The following GRK4 variants were observed in gnomAD, a reference collection of about 807,000 sequenced individuals.
GRK4 encodes G protein-coupled receptor kinase 2-like.
In GRK4, 73 loss-of-function variants were observed where a neutral mutation model predicts 77.9. The observed-to-expected ratio is 0.94, with a 90% CI of 0.78 to 1.14. GRK4 has a LOEUF of 1.14. Among genes scored for constraint, GRK4 ranks in the 50% most tolerant of loss-of-function variants. The probability of loss-of-function intolerance (pLI) is 0.00; values close to 1 mark genes in which losing one functional copy is unlikely to be tolerated. For synonymous variants in GRK4, 257 were observed against 254.4 expected, an observed-to-expected ratio of 1.01 and a Z score of -0.10; for missense variants, 729 against 700.2, an observed-to-expected ratio of 1.04 and a Z score of -0.46.
intron 2 of GRK4, among the ~76,000 whole-genome samples, chr4:2,986,414 T>C (rs545605355): frequency 6.9e-6 from 1 of 144,286 alleles, no homozygotes; most frequent in Non-Finnish European, 1.5e-5. Context: ...TGGAGTGCAA[T>C]GGCATGATCT....
At chr4:2,985,857 G>C (rs1245062737) in intron 2 of GRK4, 1 of 168,274 alleles carries the variant, frequency 5.9e-6, no homozygotes, top group Non-Finnish European at 1.3e-5. Flanking sequence ...AAATTAGCTG[G>C]GCGAGGTGGC....
chr4:2,992,533 A>G (rs1356929084), intron 4 of GRK4, among the ~76,000 whole-genome samples: 1 of 152,024 alleles, frequency 6.6e-6, no homozygotes, highest in East Asian at 1.9e-4. Flanking sequence ...AAACAAAAAA[A>G]CTAGCTGGAC....
intron 9 of GRK4, among the ~76,000 whole-genome samples, chr4:3,020,425 G>A (rs1184157487): frequency 6.6e-6 from 1 of 152,160 alleles, no homozygotes; most frequent in African/African-American, 2.4e-5. Flanking sequence ...AGGTTCTTAG[G>A]TATGTTGATA....
intron 5 of GRK4, among the ~76,000 whole-genome samples, chr4:3,007,390 G>T (rs1386780336): frequency 2.0e-5 from 3 of 151,986 alleles, no homozygotes; most frequent in Non-Finnish European, 4.4e-5. Flanking sequence ...AGCCGGACTT[G>T]CAGTGGCCCA....
chr4:2,989,030 AAGTT>A (rs1725314352), intron 3 of GRK4, among the ~76,000 whole-genome samples, 191 bp downstream of exon 3: 1 of 152,128 alleles, frequency 6.6e-6, no homozygotes, highest in South Asian at 2.1e-4. Context: ...AAAATACAAA[AAGTT>A]AGCCGGGCGT....
chr4:2,974,239 G>A (rs1220495453), intron 1 of GRK4, among the ~76,000 whole-genome samples: 1 of 152,110 alleles, frequency 6.6e-6, no homozygotes, highest in Non-Finnish European at 1.5e-5. Context: ...TTGTTCGTCG[G>A]GCTTTCTCCC....
chr4:2,964,910 GCT>G (rs1460009736), intron 1 of GRK4, among the ~76,000 whole-genome samples: 1 of 151,750 alleles, frequency 6.6e-6, no homozygotes, highest in Non-Finnish European at 1.5e-5. Context: ...AAAGGAATAG[GCT>G]CCAGACACCC....
chr4:3,001,658 C>T (rs764520215), intron 4 of GRK4, among the ~76,000 whole-genome samples: 5 of 152,270 alleles, frequency 3.3e-5, no homozygotes, highest in Non-Finnish European at 5.9e-5. Flanking sequence ...TGAGCCACCA[C>T]GCCCGCCCGA....
chr4:2,969,728 G>A (rs911357766), intron 1 of GRK4, among the ~76,000 whole-genome samples: 5 of 151,702 alleles, frequency 3.3e-5, no homozygotes, highest in African/African-American at 9.7e-5. Context: ...TGGAGTGCAG[G>A]TGGGGAAATC....
At chr4:3,033,573 A>T (rs55942209) in intron 12 of GRK4, among the ~76,000 whole-genome samples, 2 of 152,052 alleles carry the variant, frequency 1.3e-5, no homozygotes, top group African/African-American at 2.4e-5. Flanking sequence ...GATCTGTTTT[A>T]TTAATTTATT....
chr4:3,020,455 A>G (rs2109982187), intron 9 of GRK4, among the ~76,000 whole-genome samples: 1 of 152,352 alleles, frequency 6.6e-6, no homozygotes, highest in Middle Eastern at 3.4e-3. Context: ...AGGATCTATT[A>G]TGTCCTGCCA....
At chr4:2,965,170 A>G in intron 1 of GRK4, 1 of 641,936 alleles carries the variant, frequency 1.6e-6, no homozygotes, top group East Asian at 2.7e-5. Flanking sequence ...AGCTTTTTGG[A>G]TGTGAATCCA....
chr4:2,990,318 G>T (rs541924328), intron 3 of GRK4, among the ~76,000 whole-genome samples: 3 of 138,334 alleles, frequency 2.2e-5, no homozygotes, highest in African/African-American at 5.5e-5. Context: ...GTGCTATGGC[G>T]TGATCCCAGC....
Position 2,987,389 on chromosome 4 carries a change from G to T in GRK4, c.149-1338G>T, listed in dbSNP as rs188569690. Reference sequence around the variant, plus strand: ...ACTTTTGCCTGTTATGAATAATGCTGCTATGAATATTCATGTACTAGGCTT... The same window carrying T: ...ACTTTTGCCTGTTATGAATAATGCTTCTATGAATATTCATGTACTAGGCTT... On this transcript the variant is annotated intron_variant, in intron 2 of 15. Coordinates refer to ENST00000398052, the MANE Select transcript of GRK4 (RefSeq NM_182982.3). Among the ~76,000 whole-genome samples the T allele has an allele frequency of 6.4e-4, 98 of 152,268 alleles. 2 individuals are homozygous for T. The highest frequency in any genetic ancestry group is 3.4e-3 in the Middle Eastern group (1 of 294).
At chr4:3,006,074 G>A (rs1227834773) in intron 5 of GRK4, among the ~76,000 whole-genome samples, 1 of 151,898 alleles carries the variant, frequency 6.6e-6, no homozygotes, top group Non-Finnish European at 1.5e-5. Flanking sequence ...ATGGATTAGA[G>A]TAAATGTAGA....
At position 3,009,663 on chromosome 4, in the gene GRK4, G is replaced by T. The variant is rs1392714785; in HGVS notation, c.552G>T (p.Lys184Asn). Residue 184 changes from lysine to asparagine, a missense_variant, in exon 7 of 16, where the codon AAG (lysine) becomes AAT (asparagine). Transcript: ENST00000398052. ...CATTGATTAGGCAACCCGTAACAAA[G>T]AACACATTTAGACATTACAGAGTTC... The part of the protein sequence containing the change: ...WKWLERQPVT[K>N]NTFRHYRVLG... 2 of 1,613,792 alleles carry T rather than the reference G, an allele frequency of 1.2e-6. No homozygotes were observed. Among genetic ancestry groups the T allele is most frequent in the African/African-American group, 2.7e-5 (2 of 75,010 alleles).
intron 4 of GRK4, among the ~76,000 whole-genome samples, chr4:2,997,426 T>C (rs1280233768): frequency 6.6e-6 from 1 of 152,194 alleles, no homozygotes; most frequent in African/African-American, 2.4e-5. Flanking sequence ...ATTAGTCCCT[T>C]CATGAAAGTG....
chr4:2,970,043 TC>T (rs1290638446), intron 1 of GRK4, among the ~76,000 whole-genome samples: 1 of 152,218 alleles, frequency 6.6e-6, no homozygotes, highest in Admixed American at 6.5e-5. Flanking sequence ...ACTTAGTATT[TC>T]TTATCTGTCA....
intron 1 of GRK4, among the ~76,000 whole-genome samples, chr4:2,982,127 G>T (rs1043707875): frequency 2.6e-5 from 4 of 152,390 alleles, no homozygotes; most frequent in Non-Finnish European, 4.4e-5. Flanking sequence ...AGAGCACAGG[G>T]ATGCCCAGGT....
Sources: gnomAD v4.1 joint callset for allele counts (sites outside exome capture counted in the v4.1 genomes callset) on GRCh38, gnomAD v4.1.1 for gene constraint, MANE v1.5 for transcripts, NCBI Gene and HGNC (gene_info 2026-07-23, HGNC 2026-07-21) for gene names.